The following NCOA2 variants were observed in gnomAD, a reference collection of about 807,000 sequenced individuals.
NCOA2 encodes nuclear receptor coactivator 2.
In NCOA2, 21 loss-of-function variants were observed where a neutral mutation model predicts 145.1. The observed-to-expected ratio is 0.14, with a 90% CI of 0.10 to 0.21. NCOA2 has a LOEUF of 0.21. Ranked by LOEUF, NCOA2 falls within the 10% of genes least tolerant of loss-of-function variation. The pLI is 1.00. For synonymous variants in NCOA2, 619 were observed against 637.5 expected (o/e 0.97, Z 0.44); for missense variants, 1,472 against 1,837.6 (o/e 0.80, Z 3.64).
chr8:70,131,697 A>T, intron 16 of NCOA2, 140 bp downstream of exon 16: 1 of 891,248 alleles, frequency 1.1e-6, no homozygotes, highest in African/African-American at 1.7e-5. Context: ...AGGAAGAAAC[A>T]GGGCCAGCCT....
chr8:70,127,862 G>A (rs1330843949), intron 18 of NCOA2, among the ~76,000 whole-genome samples: 1 of 152,192 alleles, frequency 6.6e-6, no homozygotes, highest in Non-Finnish European at 1.5e-5. Context: ...GTAAACTAGT[G>A]TCCTCTGTGA....
chr8:70,187,067 G>T (rs1816154734), intron 4 of NCOA2, among the ~76,000 whole-genome samples: 1 of 152,164 alleles, frequency 6.6e-6, no homozygotes, highest in African/African-American at 2.4e-5. Context: ...ATTTAAAGCA[G>T]TAGGCAATTA....
intron 1 of NCOA2, among the ~76,000 whole-genome samples, chr8:70,398,399 T>C (rs1438660806): frequency 6.6e-6 from 1 of 152,110 alleles, no homozygotes; most frequent in Admixed American, 6.5e-5. Context: ...GTCAAGGCTA[T>C]ACAGTGAGCT....
intron 17 of NCOA2, 75 bp downstream of exon 17, chr8:70,128,627 G>C: frequency 7.5e-6 from 12 of 1,593,028 alleles, no homozygotes; most frequent in Non-Finnish European, 1.0e-5. Flanking sequence ...TTGGACAGCT[G>C]TGCTGTCTCA....
intron 4 of NCOA2, among the ~76,000 whole-genome samples, chr8:70,175,298 GC>G (rs1304686978): frequency 1.3e-5 from 2 of 152,214 alleles, no homozygotes; most frequent in East Asian, 3.8e-4. Context: ...CTCCTAAACT[GC>G]TATGGCTGCC....
chr8:70,378,743 T>TAAAAAAAAAAAAAAAAAA (rs10672044), intron 1 of NCOA2, among the ~76,000 whole-genome samples: 1 of 109,880 alleles, frequency 9.1e-6, no homozygotes, highest in Non-Finnish European at 1.9e-5. Flanking sequence ...TAGGCTATGC[T>TAAAAAAAAAAAAAAAAAA]AAAAAAAAAA....
chr8:70,374,054 C>A (rs936453249), intron 1 of NCOA2, among the ~76,000 whole-genome samples: 2 of 152,062 alleles, frequency 1.3e-5, no homozygotes, highest in African/African-American at 4.8e-5. Context: ...TCACTCACTG[C>A]TGAATGGGGG....
chr8:70,325,048 A>C (rs1200430606), intron 1 of NCOA2, among the ~76,000 whole-genome samples: 1 of 152,208 alleles, frequency 6.6e-6, no homozygotes, highest in East Asian at 1.9e-4. Flanking sequence ...TAAACATAAT[A>C]ATTTACTACT....
At chr8:70,417,342 A>G in the NCOA2 span, among the ~76,000 whole-genome samples, 14 of 151,026 alleles carry the variant, frequency 9.3e-5, no homozygotes, top group African/African-American at 3.2e-4. Context: ...TGAGGTCAGG[A>G]GTTTGAGACC....
chr8:70,344,327 T>C (rs572434268), intron 1 of NCOA2, among the ~76,000 whole-genome samples: 3 of 152,164 alleles, frequency 2.0e-5, no homozygotes, highest in Non-Finnish European at 4.4e-5. Context: ...TGAGAGAAGA[T>C]AGACATGGGT....
chr8:70,144,466 C>A (rs1288523080), intron 13 of NCOA2, among the ~76,000 whole-genome samples, 176 bp downstream of exon 13: 5 of 152,290 alleles, frequency 3.3e-5, no homozygotes, highest in East Asian at 1.9e-4. Context: ...TTAGCTCACC[C>A]AAAGGCTTTC....
intron 2 of NCOA2, among the ~76,000 whole-genome samples, chr8:70,282,417 G>C (rs188166933): frequency 6.6e-6 from 1 of 152,280 alleles, no homozygotes; most frequent in Non-Finnish European, 1.5e-5. Context: ...CGGGCACGGA[G>C]GCTCATGCCT....
the NCOA2 span, among the ~76,000 whole-genome samples, chr8:70,423,484 A>G: frequency 6.6e-6 from 1 of 152,006 alleles, no homozygotes; most frequent in Non-Finnish European, 1.5e-5. Flanking sequence ...CTTTCTTTAT[A>G]CTTTCTAATT....
In NCOA2 at chr8:70,223,842, G is replaced by C. The variant is rs749703225; in HGVS notation, c.-19-7078C>G. On this transcript the variant is annotated intron_variant, in intron 2 of 22. Coordinates refer to ENST00000452400, the MANE Select transcript of NCOA2 (RefSeq NM_006540.4). ...AACCACTGTAATGTGGGCATTAAAG[G>C]GTCCTATACTTTGACACTTTCACTG... Among the ~76,000 whole-genome samples the C allele has an allele frequency of 3.9e-5, 6 of 152,194 alleles. No homozygotes were observed. In the South Asian group the frequency reaches 1.0e-3, roughly 26 times the overall value.
At position 70,241,343 on chromosome 8, in the gene NCOA2, T is replaced by A. The variant is rs73291202; in HGVS notation, c.-19-24579A>T. On this transcript the variant is annotated intron_variant, in intron 2 of 22. Coordinates refer to ENST00000452400, the MANE Select transcript of NCOA2 (RefSeq NM_006540.4). ...TCATAGTCACTCTGTTTTAACAATCTCTGCTATCCCAATTTTAATGCTCTC... is the reference window on the plus strand; with the variant it reads ...TCATAGTCACTCTGTTTTAACAATCACTGCTATCCCAATTTTAATGCTCTC... Among the ~76,000 whole-genome samples, 645 of 152,260 alleles carry A rather than the reference T, an allele frequency of 4.2e-3. 5 individuals carry two copies. Among genetic ancestry groups the A allele is most frequent in the African/African-American group, 0.015 (615 of 41,556 alleles).
intron 1 of NCOA2, among the ~76,000 whole-genome samples, chr8:70,379,461 T>G (rs115112483): frequency 0.011 from 1,738 of 152,320 alleles, 46 homozygotes; most frequent in African/African-American, 0.04. Flanking sequence ...CTTCTGCCTT[T>G]TCCACGAATT....
rs546642842 is a variant in NCOA2 at position 70,110,981 on chromosome 8, A to T, written c.*2651T>A. On this transcript the variant is annotated 3_prime_UTR_variant, in exon 23 of 23. Coordinates refer to ENST00000452400, the MANE Select transcript of NCOA2 (RefSeq NM_006540.4). ...GTCTAACAAATTTATTGTGTACAGC[A>T]TGAGAAATACTGATAATGAAGGGAA... The T allele has an allele frequency of 9.0e-6, 2 of 223,130 alleles. No homozygotes were observed. Among genetic ancestry groups the T allele is most frequent in the African/African-American group, 4.5e-5 (2 of 44,940 alleles). The allele number at this position is 223,130 out of a possible 1,614,324, so 13.8% of individuals were successfully genotyped here.
upstream of NCOA2, among the ~76,000 whole-genome samples, chr8:70,404,658 A>G (rs1814686930): frequency 6.6e-6 from 1 of 152,232 alleles, no homozygotes; most frequent in Non-Finnish European, 1.5e-5. Context: ...TGCTGCACAC[A>G]GAGTGTGAAA....
At chr8:70,283,748 T>G (rs963911021) in intron 2 of NCOA2, among the ~76,000 whole-genome samples, 36 of 152,110 alleles carry the variant, frequency 2.4e-4, no homozygotes, top group Non-Finnish European at 1.3e-4. Context: ...AGATTTCTGG[T>G]TTTTTTCAGA....
Sources: gnomAD v4.1 joint callset for allele counts (sites outside exome capture counted in the v4.1 genomes callset) on GRCh38, gnomAD v4.1.1 for gene constraint, MANE v1.5 for transcripts, NCBI Gene and HGNC (gene_info 2026-07-23, HGNC 2026-07-21) for gene names.